CCDC169: variants seen among roughly 807,000 people sequenced by gnomAD.
CCDC169 encodes the protein coiled-coil domain containing 169.
Under a neutral mutation model 36.0 loss-of-function variants are expected in CCDC169, and 30 were observed. The observed-to-expected ratio is 0.83, with a 90% CI of 0.62 to 1.13. The LOEUF is 1.13. CCDC169 is among the 50% of genes most tolerant of loss of function. CCDC169 has a pLI of 0.00. For missense variants in CCDC169, 245 were observed against 245.9 expected, an observed-to-expected ratio of 1.00 and a Z score of 0.03; for synonymous variants, 85 against 81.5, an observed-to-expected ratio of 1.04 and a Z score of -0.23.
intron 4 of CCDC169, among the ~76,000 whole-genome samples, chr13:36,265,819 G>A (rs779069699): frequency 2.6e-5 from 4 of 152,202 alleles, no homozygotes; most frequent in African/African-American, 4.8e-5. Context: ...TGGTGATGGA[G>A]ATAGTTATCA....
chr13:36,227,257 C>T (rs748845831), downstream of CCDC169: 41 of 1,551,076 alleles, frequency 2.6e-5, no homozygotes, highest in East Asian at 4.9e-5. Context: ...TGTAAGCAGG[C>T]GGGCCAGAGT....
At chr13:36,284,607 T>C (rs538096012) in intron 2 of CCDC169, among the ~76,000 whole-genome samples, 9 of 152,192 alleles carry the variant, frequency 5.9e-5, no homozygotes, top group Non-Finnish European at 8.8e-5. Flanking sequence ...AGTCAAAGCA[T>C]TTTCCTTATG....
Position 36,297,007 on chromosome 13 carries a change from A to G in CCDC169, c.83+630T>C, listed in dbSNP as rs117981522. ...GTCCTCAGAACGCGTGTAGTTTGGT[A>G]GCAAAACAAGAAATAGACAGGCAAT... On this transcript the variant is annotated intron_variant, in intron 1 of 7. Transcript: ENST00000239859. Among the ~76,000 whole-genome samples the G allele has an allele frequency of 9.2e-3, 1,397 of 152,310 alleles. 15 individuals are homozygous for G. The highest frequency in any genetic ancestry group is 0.016 in the Non-Finnish European group (1,106 of 68,040).
Position 36,297,720 on chromosome 13 carries a change from A to T in CCDC169, c.-1T>A. The T allele has an allele frequency of 6.4e-7, 1 of 1,551,052 alleles. No homozygotes were observed. Among genetic ancestry groups the T allele is most frequent in the East Asian group, 2.4e-5 (1 of 40,904 alleles). On this transcript the variant is annotated 5_prime_UTR_variant, in exon 1 of 8. Transcript: ENST00000239859. ...AGTTGTAGTTTCTCTCTTCCTTCAT[A>T]GTGTCAGGCCAGAGACCTCCCGCGT...
chr13:36,253,521 G>C (rs1387024250), intron 6 of CCDC169, among the ~76,000 whole-genome samples: 4 of 152,076 alleles, frequency 2.6e-5, no homozygotes, highest in African/African-American at 9.7e-5. Flanking sequence ...ATTTCTAGTA[G>C]AGACAGGGTT....
Position 36,231,257 on chromosome 13 carries a change from C to T in CCDC169, c.581G>A (p.Ser194Asn), listed in dbSNP as rs574322268. 16 of 1,551,260 alleles carry T rather than the reference C, an allele frequency of 1.0e-5. No homozygotes were observed. The African/African-American group carries it at 2.2e-4, about 21-fold the overall frequency. ...CTTTTTTACTGGTCCTCTCTTGGCACTCACTGTCTTCTGCTTAGCTGGATT... is the reference window on the plus strand; with the variant it reads ...CTTTTTTACTGGTCCTCTCTTGGCATTCACTGTCTTCTGCTTAGCTGGATT... ...RYNPAKQKTV[S>N]AKRGPVKKIT... Residue 194 changes from serine to asparagine, a missense_variant, in exon 8 of 8, where the codon AGT becomes AAT. Transcript: ENST00000239859.
chr13:36,251,242 A>G (rs1355916668), intron 6 of CCDC169, among the ~76,000 whole-genome samples: 3 of 152,212 alleles, frequency 2.0e-5, no homozygotes, highest in East Asian at 1.9e-4. Flanking sequence ...TTATCTACCA[A>G]TGAATCAATT....
chr13:36,264,548 T>C (rs1423533773), intron 4 of CCDC169, among the ~76,000 whole-genome samples: 2 of 152,070 alleles, frequency 1.3e-5, no homozygotes, highest in Non-Finnish European at 2.9e-5. Context: ...ATGATGAAAA[T>C]AGGGACTTAG....
chr13:36,285,589 A>AGATG (rs1878103107), intron 2 of CCDC169, among the ~76,000 whole-genome samples: 5 of 130,524 alleles, frequency 3.8e-5, no homozygotes, highest in Non-Finnish European at 8.0e-5. Context: ...AAAATAAGAT[A>AGATG]GATAGATAGA....
At chr13:36,253,774 C>A in intron 6 of CCDC169, 29 bp downstream of exon 6, 1 of 1,536,812 alleles carries the variant, frequency 6.5e-7, no homozygotes, top group East Asian at 2.5e-5. Flanking sequence ...AGAAGAAACA[C>A]TTAGAATTTG....
At chr13:36,295,136 C>T (rs61950140) in intron 2 of CCDC169, among the ~76,000 whole-genome samples, 14,298 of 152,144 alleles carry the variant, frequency 0.094, 883 homozygotes, top group Non-Finnish European at 0.14. Flanking sequence ...TTAACTCACC[C>T]GAATTCTGTT....
chr13:36,267,485 A>T (rs536866473), intron 4 of CCDC169, among the ~76,000 whole-genome samples: 2 of 152,204 alleles, frequency 1.3e-5, no homozygotes, highest in Non-Finnish European at 2.9e-5. Context: ...CAAAAGCCCA[A>T]TATGTACCAA....
At chr13:36,294,943 T>A (rs1259114620) in intron 2 of CCDC169, among the ~76,000 whole-genome samples, 2 of 152,168 alleles carry the variant, frequency 1.3e-5, no homozygotes, top group Non-Finnish European at 2.9e-5. Context: ...GCTGTCTGCC[T>A]GTGGATTTCA....
In CCDC169 at chr13:36,243,477, G is replaced by A. The variant is rs1872111080; in HGVS notation, c.545+5129C>T. On this transcript the variant is annotated intron_variant, in intron 7 of 7. Transcript: ENST00000239859. ...AGATTGCACCACTGCACTTCAACCT[G>A]GGTGACAGAGCAAGACTCCATCTCA... 2.0e-5 allele frequency among the ~76,000 whole-genome samples: 3 copies of A among 151,882 alleles called. No homozygotes were observed. In the South Asian group the frequency reaches 6.2e-4, roughly 32 times the overall value.
chr13:36,275,481 G>A (rs1876681963), intron 4 of CCDC169, among the ~76,000 whole-genome samples: 3 of 152,124 alleles, frequency 2.0e-5, no homozygotes, highest in Admixed American at 1.3e-4. Context: ...TGATCTTGGA[G>A]AGAACACAAA....
At chr13:36,292,706 C>A (rs183032112) in intron 2 of CCDC169, among the ~76,000 whole-genome samples, 31 of 152,224 alleles carry the variant, frequency 2.0e-4, no homozygotes, top group Admixed American at 2.0e-3. Context: ...ACAGGGGATG[C>A]TAGCTGAAGG....
chr13:36,283,412 A>G, intron 4 of CCDC169, 57 bp downstream of exon 4: 1 of 1,475,548 alleles, frequency 6.8e-7, no homozygotes, highest in South Asian at 1.3e-5. Context: ...TACGTCTGGA[A>G]AAAATAGACA....
At chr13:36,235,090 G>T (rs1325345150) in intron 7 of CCDC169, among the ~76,000 whole-genome samples, 1 of 151,836 alleles carries the variant, frequency 6.6e-6, no homozygotes, top group Non-Finnish European at 1.5e-5. Flanking sequence ...GAAGGGAATG[G>T]AGCTACATAG....
At chr13:36,225,804 AAGAC>A (rs971437267), downstream of CCDC169, 3 of 153,196 alleles carry the variant, frequency 2.0e-5, no homozygotes. Context: ...TTATCAAAAG[AAGAC>A]ATACAAGTGG....
Sources: allele counts gnomAD v4.1 joint callset (sites outside exome capture counted in the v4.1 genomes callset), GRCh38; gene constraint gnomAD v4.1.1; transcripts MANE v1.5; gene names NCBI Gene and HGNC (gene_info 2026-07-23, HGNC 2026-07-21).